Variants in DMD observed in about 807,000 individuals in gnomAD.
DMD encodes the protein mutant dystrophin.
In DMD, 63 loss-of-function variants were observed where a neutral mutation model predicts 330.1. That is an observed-to-expected ratio of 0.19 (90% CI 0.16 to 0.24). The LOEUF (loss-of-function observed/expected upper bound fraction) is 0.24, where lower values mean the gene tolerates loss of function less well. DMD is among the 10% of genes least tolerant of loss of function. The probability of loss-of-function intolerance (pLI) is 1.00; values close to 1 mark genes in which losing one functional copy is unlikely to be tolerated. For synonymous variants in DMD, 1,223 were observed against 959.8 expected, an observed-to-expected ratio of 1.27 and a Z score of -5.07; for missense variants, 3,344 against 2,684.1, an observed-to-expected ratio of 1.25 and a Z score of -5.43.
rs1440577512 is a variant in DMD at position 32,626,298 on chromosome X, C to G, written c.1332-11845G>C. Among the ~76,000 whole-genome samples, 7 of 110,364 alleles carry G rather than the reference C, an allele frequency of 6.3e-5. No individual in the cohort carries two copies. In the Admixed American group the frequency reaches 6.8e-4, roughly 11 times the overall value. ...CCAGCCTGGCCAATAGAAACCCCAT[C>G]TCTACTAAAAATACAAAAATTAGCT... is the stretch of plus-strand genomic sequence containing the variant. On this transcript the variant is annotated intron_variant, in intron 11 of 78. Coordinates refer to ENST00000357033, the MANE Select transcript of DMD (RefSeq NM_004006.3).
intron 2 of DMD, 30 bp downstream of exon 2, chrX:33,020,109 C>A (rs2147754309): frequency 4.4e-6 from 5 of 1,140,291 alleles, no homozygotes; most frequent in East Asian, 3.0e-5. Context: ...CAACTTAGAT[C>A]TTAAAAGTAA....
chrX:33,064,199 T>C (rs1281527336), intron 1 of DMD, among the ~76,000 whole-genome samples: 1 of 111,648 alleles, frequency 9.0e-6, no homozygotes, highest in Non-Finnish European at 1.9e-5. Context: ...ATGATTTTAT[T>C]ATACTTTTTA....
intron 1 of DMD, among the ~76,000 whole-genome samples, chrX:33,268,798 A>C (rs1001288198): frequency 9.2e-6 from 1 of 108,933 alleles, no homozygotes; most frequent in Admixed American, 9.9e-5. Flanking sequence ...GTGGTGGTAC[A>C]CATCTGTAAT....
intron 7 of DMD, among the ~76,000 whole-genome samples, chrX:32,799,568 C>G (rs1387135165): frequency 9.3e-6 from 1 of 107,690 alleles, no homozygotes; most frequent in African/African-American, 3.4e-5. Flanking sequence ...GGAAAGCTGA[C>G]AAAGCACTCT....
intron 52 of DMD, among the ~76,000 whole-genome samples, chrX:31,727,674 T>C (rs1290846315): frequency 8.9e-6 from 1 of 112,322 alleles, no homozygotes; most frequent in African/African-American, 3.2e-5. Flanking sequence ...AGTAAATTTC[T>C]GCTGTAGTAA....
At chrX:31,476,410 T>TACAC (rs1285921349) in intron 59 of DMD, among the ~76,000 whole-genome samples, 2 of 99,937 alleles carry the variant, frequency 2.0e-5, no homozygotes, top group African/African-American at 7.3e-5. Flanking sequence ...TATATATATA[T>TACAC]ATATATATAT....
intron 7 of DMD, among the ~76,000 whole-genome samples, chrX:32,737,818 G>C (rs1186385932): frequency 9.0e-6 from 1 of 111,184 alleles, no homozygotes; most frequent in Non-Finnish European, 1.9e-5. Context: ...TCTAACTTTT[G>C]CAAAATATGT....
At chrX:32,704,189 GC>G (rs1481552537) in intron 7 of DMD, among the ~76,000 whole-genome samples, 7 of 103,704 alleles carry the variant, frequency 6.7e-5, no homozygotes, top group Non-Finnish European at 1.3e-4. Context: ...AAATTCAAAG[GC>G]TAGTCAAAAT....
chrX:31,914,151 G>A (rs756680409), intron 47 of DMD, among the ~76,000 whole-genome samples: 2 of 112,069 alleles, frequency 1.8e-5, no homozygotes, highest in East Asian at 5.6e-4. Flanking sequence ...GGGTATGGGG[G>A]TGTGGAGAGG....
intron 50 of DMD, among the ~76,000 whole-genome samples, chrX:31,811,443 C>T (rs2092453839): frequency 8.9e-6 from 1 of 112,025 alleles, no homozygotes; most frequent in Admixed American, 9.5e-5. Context: ...TGTGACACAT[C>T]TCATTATATT....
chrX:32,085,575 T>C (rs982300247), intron 44 of DMD, among the ~76,000 whole-genome samples: 2 of 106,198 alleles, frequency 1.9e-5, no homozygotes, highest in Admixed American at 1.0e-4. Flanking sequence ...TTCATATATA[T>C]ATATACACAC....
chrX:32,614,484 T>C (rs1373522509), intron 11 of DMD, 31 bp from the exon 12 acceptor site: 17 of 1,125,981 alleles, frequency 1.5e-5, no homozygotes, highest in Non-Finnish European at 1.9e-5. Flanking sequence ...TATTATGACC[T>C]CTTTGAAAGC....
chrX:32,054,329 G>A (rs777144419), intron 44 of DMD, among the ~76,000 whole-genome samples: 229 of 102,781 alleles, frequency 2.2e-3, no homozygotes, highest in Non-Finnish European at 3.7e-3. Context: ...ATCTCCTAAT[G>A]CTATCCCTCC....
intron 62 of DMD, among the ~76,000 whole-genome samples, chrX:31,313,078 GT>G (rs201377960): frequency 0.12 from 10,671 of 86,769 alleles, 679 homozygotes; most frequent in African/African-American, 0.25. Context: ...TTTTTGGTGT[GT>G]TTTTTTTTTT....
At chrX:32,861,258 C>T (rs930222519) in intron 2 of DMD, among the ~76,000 whole-genome samples, 10 of 112,201 alleles carry the variant, frequency 8.9e-5, no homozygotes, top group Non-Finnish European at 1.7e-4. Flanking sequence ...TAATCCATAT[C>T]GTCTATAACT....
At chrX:31,345,814 A>C (rs2058050008) in intron 61 of DMD, among the ~76,000 whole-genome samples, 1 of 111,879 alleles carries the variant, frequency 8.9e-6, no homozygotes, top group African/African-American at 3.2e-5. Context: ...GCAACTCCAA[A>C]GCATTGTGAA....
chrX:32,416,229 C>A (rs1211725794), intron 29 of DMD, among the ~76,000 whole-genome samples: 10 of 112,187 alleles, frequency 8.9e-5, no homozygotes. Context: ...ATTAAAGGAG[C>A]TAGGTATCCT....
intron 47 of DMD, among the ~76,000 whole-genome samples, chrX:31,896,415 T>C (rs780289658): frequency 4.4e-4 from 49 of 111,960 alleles, no homozygotes; most frequent in Non-Finnish European, 8.1e-4. Flanking sequence ...TATTCTAGTA[T>C]TGCAGAGATG....
chrX:32,859,505 A>G (rs185859923), intron 2 of DMD, among the ~76,000 whole-genome samples: 1,610 of 90,595 alleles, frequency 0.018, 37 homozygotes, highest in African/African-American at 0.074. Context: ...ACACACACAC[A>G]CACACAAGTT....
Sources: gnomAD v4.1 joint callset for allele counts (sites outside exome capture counted in the v4.1 genomes callset) on GRCh38, gnomAD v4.1.1 for gene constraint, MANE v1.5 for transcripts, NCBI Gene and HGNC (gene_info 2026-07-23, HGNC 2026-07-21) for gene names.